BICRAL: variants seen among roughly 807,000 people sequenced by gnomAD.
The protein encoded by BICRAL is BICRA like chromatin remodeling complex associated protein.
A neutral mutation model predicts 91.8 loss-of-function variants in BICRAL; 8 were observed. The observed-to-expected ratio is 0.09, with a 90% CI of 0.05 to 0.16. BICRAL has a LOEUF of 0.16. BICRAL is among the 10% of genes least tolerant of loss of function. The probability of loss-of-function intolerance (pLI) is 1.00; values close to 1 mark genes in which losing one functional copy is unlikely to be tolerated. For missense variants in BICRAL, 1,038 were observed against 1,310.9 expected, an observed-to-expected ratio of 0.79 and a Z score of 3.21; for synonymous variants, 445 against 491.1, an observed-to-expected ratio of 0.91 and a Z score of 1.24.
At chr6:42,785,661 A>G (rs975308567) in intron 1 of BICRAL, among the ~76,000 whole-genome samples, 3 of 152,206 alleles carry the variant, frequency 2.0e-5, no homozygotes, top group Non-Finnish European at 4.4e-5. Context: ...TCCTTAAAAG[A>G]AAAGGTTGTT....
At chr6:42,759,175 G>T (rs1762506282) in intron 1 of BICRAL, among the ~76,000 whole-genome samples, 1 of 152,192 alleles carries the variant, frequency 6.6e-6, no homozygotes, top group South Asian at 2.1e-4. Flanking sequence ...GCACTTCAAA[G>T]CTGGAAGTGG....
At chr6:42,840,313 G>A (rs1293214928) in intron 6 of BICRAL, among the ~76,000 whole-genome samples, 2 of 151,478 alleles carry the variant, frequency 1.3e-5, no homozygotes, top group East Asian at 3.9e-4. Context: ...TGCAATCTTG[G>A]CCCACTGCAA....
chr6:42,814,478 C>CAT (rs1562474844), intron 2 of BICRAL, among the ~76,000 whole-genome samples: 3 of 91,302 alleles, frequency 3.3e-5, no homozygotes, highest in Non-Finnish European at 5.9e-5. Context: ...CATATACATG[C>CAT]ATGTGTGTGT....
At chr6:42,803,370 T>C (rs1338172540) in intron 1 of BICRAL, among the ~76,000 whole-genome samples, 1 of 152,140 alleles carries the variant, frequency 6.6e-6, no homozygotes, top group Non-Finnish European at 1.5e-5. Flanking sequence ...ATTCCTCACT[T>C]TTTTTACACT....
chr6:42,769,642 C>T (rs1395828407), intron 1 of BICRAL, among the ~76,000 whole-genome samples: 1 of 152,196 alleles, frequency 6.6e-6, no homozygotes, highest in Non-Finnish European at 1.5e-5. Flanking sequence ...AAGCCTCACA[C>T]AAACACAATA....
At chr6:42,844,777 G>A (rs1318311470) in intron 6 of BICRAL, among the ~76,000 whole-genome samples, 10 of 152,104 alleles carry the variant, frequency 6.6e-5, no homozygotes, top group Non-Finnish European at 1.5e-4. Flanking sequence ...CAATAGCTAT[G>A]AGGATGTGTG....
chr6:42,813,141 A>G (rs1763887395), intron 2 of BICRAL, among the ~76,000 whole-genome samples: 1 of 152,246 alleles, frequency 6.6e-6, no homozygotes, highest in Non-Finnish European at 1.5e-5. Context: ...TGTAGTCCCC[A>G]AAGAAGAGGG....
At chr6:42,850,575 A>G (rs1765148288) in intron 6 of BICRAL, among the ~76,000 whole-genome samples, 1 of 151,956 alleles carries the variant, frequency 6.6e-6, no homozygotes, top group Admixed American at 6.6e-5. Flanking sequence ...TGAAGTAGTA[A>G]TGGCACAGAG....
At chr6:42,846,391 T>TTAAATAAATAAA (rs71547817) in intron 6 of BICRAL, among the ~76,000 whole-genome samples, 4,858 of 150,950 alleles carry the variant, frequency 0.032, 242 homozygotes, top group African/African-American at 0.1. Context: ...AAACAATAAG[T>TTAAATAAATAAA]TAAATAAATA....
Position 42,855,896 on chromosome 6 carries a change from A to G in BICRAL, c.2087A>G (p.Lys696Arg). Residue 696 changes from lysine to arginine, a missense_variant, in exon 9 of 13, where the codon AAA becomes AGA. Lys to Arg is a conservative substitution (Grantham distance 26). Coordinates refer to ENST00000314073, the MANE Select transcript of BICRAL (RefSeq NM_001393499.1). The stretch of plus-strand genomic sequence containing the variant: ...GGAGGACAAAAAAGGCCTGCTGCGA[A>G]ACAGCTAACGAAAGGAGCTTTGTGA... Reference protein sequence around the residue: ...HSGGQKRPAAKQLTKGAFILQ... With the variant: ...HSGGQKRPAARQLTKGAFILQ... The G allele has an allele frequency of 6.2e-7, 1 of 1,613,906 alleles. No homozygotes were observed. Among genetic ancestry groups the G allele is most frequent in the Non-Finnish European group, 8.5e-7 (1 of 1,179,800 alleles).
intron 1 of BICRAL, chr6:42,747,034 A>AG (rs529607480): frequency 3.0e-3 from 452 of 152,378 alleles, no homozygotes; most frequent in Non-Finnish European, 5.5e-3. Flanking sequence ...GTGAGACCCT[A>AG]GCCCCGGGCT....
chr6:42,844,348 A>T (rs111410087), intron 6 of BICRAL, among the ~76,000 whole-genome samples: 7 of 150,880 alleles, frequency 4.6e-5, no homozygotes, highest in African/African-American at 1.5e-4. Flanking sequence ...TCTCTACTAA[A>T]CATACAAAAA....
chr6:42,781,596 G>GGGGGGTGT (rs1554275298), upstream of BICRAL, among the ~76,000 whole-genome samples: 1 of 103,478 alleles, frequency 9.7e-6, no homozygotes, highest in Non-Finnish European at 1.9e-5. Flanking sequence ...TGGGTGGGTG[G>GGGGGGTGT]GTGTGTGTGT....
At chr6:42,851,470 AACAC>A (rs1471501642) in intron 6 of BICRAL, among the ~76,000 whole-genome samples, 12 of 152,226 alleles carry the variant, frequency 7.9e-5, no homozygotes, top group Non-Finnish European at 1.3e-4. Flanking sequence ...ATAGAAAAGA[AACAC>A]ACAACAATTT....
At chr6:42,760,637 C>A (rs535455676) in intron 1 of BICRAL, among the ~76,000 whole-genome samples, 9 of 152,162 alleles carry the variant, frequency 5.9e-5, no homozygotes, top group Non-Finnish European at 1.2e-4. Flanking sequence ...AACTCCTGGG[C>A]TCAAGCAATC....
At chr6:42,818,292 C>T (rs1420272345) in intron 2 of BICRAL, among the ~76,000 whole-genome samples, 1 of 151,998 alleles carries the variant, frequency 6.6e-6, no homozygotes, top group East Asian at 1.9e-4. Context: ...AGTTGTATTT[C>T]CTTTTCTGTG....
chr6:42,783,325 G>T (rs1431903538), intron 1 of BICRAL, among the ~76,000 whole-genome samples: 3 of 152,122 alleles, frequency 2.0e-5, no homozygotes, highest in Non-Finnish European at 2.9e-5. Context: ...TCGCCGCGCC[G>T]GCCAGAAGAG....
intron 6 of BICRAL, among the ~76,000 whole-genome samples, chr6:42,849,070 C>T (rs1765102952): frequency 6.6e-6 from 1 of 152,098 alleles, no homozygotes; most frequent in African/African-American, 2.4e-5. Context: ...TTCACCCTTC[C>T]CTGTTAGTGG....
At chr6:42,827,563 A>G (rs1281870812) in intron 5 of BICRAL, among the ~76,000 whole-genome samples, 1 of 152,184 alleles carries the variant, frequency 6.6e-6, no homozygotes, top group Non-Finnish European at 1.5e-5. Context: ...TTTTTGCATC[A>G]TGTCGGTGTA....
Sources: allele counts gnomAD v4.1 joint callset (sites outside exome capture counted in the v4.1 genomes callset), GRCh38; gene constraint gnomAD v4.1.1; transcripts MANE v1.5; gene names NCBI Gene and HGNC (gene_info 2026-07-23, HGNC 2026-07-21).